RBFOX1: variants seen among roughly 807,000 people sequenced by gnomAD.
RBFOX1 encodes RNA binding protein fox-1 homolog 1.
In RBFOX1, 8 loss-of-function variants were observed where a neutral mutation model predicts 57.7. The ratio of observed to expected loss-of-function variants is 0.14; its 90% CI spans 0.08 to 0.25. The LOEUF is 0.25. Among genes scored for constraint, RBFOX1 ranks in the 10% least tolerant of loss-of-function variants. The probability of loss-of-function intolerance (pLI) is 1.00; values close to 1 mark genes in which losing one functional copy is unlikely to be tolerated. For missense variants in RBFOX1, 611 were observed against 548.5 expected, an observed-to-expected ratio of 1.11 and a Z score of -1.14; for synonymous variants, 326 against 222.4, an observed-to-expected ratio of 1.47 and a Z score of -4.15.
chr16:6,615,605 G>C (rs1294515878), intron 2 of RBFOX1, among the ~76,000 whole-genome samples: 2 of 151,706 alleles, frequency 1.3e-5, no homozygotes, highest in African/African-American at 4.8e-5. Context: ...AATAAATATG[G>C]CCACAGGAAA....
At position 6,901,490 on chromosome 16, in the gene RBFOX1, A is replaced by G. The variant is rs185168807; in HGVS notation, c.-15-150567A>G. ...CCCTACGACTCTTCCTTAGCCCATG[A>G]CTCTCGACCTGGAATGACAGCAAGT... On this transcript the variant is annotated intron_variant, in intron 3 of 15. Coordinates refer to ENST00000550418, the MANE Select transcript of RBFOX1 (RefSeq NM_018723.4). 9.2e-5 allele frequency among the ~76,000 whole-genome samples: 14 copies of G among 152,146 alleles called. No homozygotes were observed. The East Asian group carries it at 2.5e-3, about 27-fold the overall frequency.
chr16:6,682,677 C>T lies in RBFOX1; in HGVS notation c.-16+28027C>T, dbSNP rs189496902. 2.6e-4 allele frequency among the ~76,000 whole-genome samples: 39 copies of T among 151,902 alleles called. 1 individual carries two copies. Among genetic ancestry groups the T allele is most frequent in the Middle Eastern group, 3.4e-3 (1 of 292 alleles). ...GACAACCAAAAATGACTCTAGATGC[C>T]GCCATGTGTCCCCCGGCGCGCAAAA... On this transcript the variant is annotated intron_variant, in intron 3 of 15. Transcript: ENST00000550418.
chr16:6,991,935 A>C (rs533512398), intron 3 of RBFOX1, among the ~76,000 whole-genome samples: 1 of 152,174 alleles, frequency 6.6e-6, no homozygotes, highest in Non-Finnish European at 1.5e-5. Context: ...GATTCAATCA[A>C]TAGGGTGGTG....
At chr16:5,391,017 C>G (rs1041051922) in intron 1 of RBFOX1, among the ~76,000 whole-genome samples, 3 of 152,176 alleles carry the variant, frequency 2.0e-5, no homozygotes, top group East Asian at 3.9e-4. Context: ...TTGTGAGAAG[C>G]TCAACCAACA....
intron 4 of RBFOX1, among the ~76,000 whole-genome samples, chr16:5,869,855 A>G (rs1420760774): frequency 1.3e-5 from 2 of 152,190 alleles, no homozygotes; most frequent in Non-Finnish European, 2.9e-5. Flanking sequence ...ATGTCCACCA[A>G]AACAACACAT....
At chr16:6,003,786 A>G (rs1317054810) in intron 4 of RBFOX1, among the ~76,000 whole-genome samples, 2 of 152,184 alleles carry the variant, frequency 1.3e-5, no homozygotes, top group East Asian at 1.9e-4. Flanking sequence ...TGCCTCAGGA[A>G]CCACACAAGT....
chr16:6,492,960 A>T (rs750523849), intron 2 of RBFOX1, among the ~76,000 whole-genome samples: 1 of 152,258 alleles, frequency 6.6e-6, no homozygotes, highest in Non-Finnish European at 1.5e-5. Flanking sequence ...GTAGCTGTGC[A>T]GTATGACTAA....
chr16:7,383,308 C>G lies in RBFOX1; in HGVS notation c.28-134839C>G, dbSNP rs183256447. On this transcript the variant is annotated intron_variant, in intron 4 of 15. Coordinates refer to ENST00000550418, the MANE Select transcript of RBFOX1 (RefSeq NM_018723.4). ...GTAAAATGCAACAACACTAGGCACG[C>G]ATTTTATAATATAACTTCTCTGCTT... 4.0e-5 allele frequency among the ~76,000 whole-genome samples: 6 copies of G among 151,686 alleles called. No individual in the cohort carries two copies. In the East Asian group the frequency reaches 1.2e-3, roughly 29 times the overall value.
At chr16:5,591,664 A>G (rs2047012934) in intron 2 of RBFOX1, among the ~76,000 whole-genome samples, 1 of 152,240 alleles carries the variant, frequency 6.6e-6, no homozygotes, top group Admixed American at 6.5e-5. Flanking sequence ...AGTACTATAC[A>G]TACCACTGAG....
chr16:7,059,281 C>G (rs1568587722), intron 4 of RBFOX1, among the ~76,000 whole-genome samples: 1 of 152,152 alleles, frequency 6.6e-6, no homozygotes, highest in African/African-American at 2.4e-5. Flanking sequence ...ATGTAAGCCC[C>G]CCTTCTCCCC....
At chr16:6,245,432 C>G (rs948646728) in intron 1 of RBFOX1, among the ~76,000 whole-genome samples, 1 of 152,126 alleles carries the variant, frequency 6.6e-6, no homozygotes, top group African/African-American at 2.4e-5. Context: ...TCTATTCATT[C>G]ACTTTTATTA....
chr16:5,331,332 A>G (rs934199417), intron 1 of RBFOX1, among the ~76,000 whole-genome samples: 3 of 152,240 alleles, frequency 2.0e-5, no homozygotes, highest in Non-Finnish European at 2.9e-5. Context: ...TGTGTAACAA[A>G]TCACCTCAAA....
intron 2 of RBFOX1, among the ~76,000 whole-genome samples, chr16:6,394,621 C>G (rs900551562): frequency 6.6e-5 from 10 of 151,306 alleles, no homozygotes; most frequent in Non-Finnish European, 1.2e-4. Flanking sequence ...GGATAAACAA[C>G]TAGGTATCTA....
rs549922499 is a variant in RBFOX1 at position 6,822,910 on chromosome 16, C to T, written c.-16+168260C>T. Reference sequence around the variant, plus strand: ...GGGCATGCATTAATATTAACAAGTGCGTGCTGCTGCAGCAGAGGATAGTTC... The same window carrying T: ...GGGCATGCATTAATATTAACAAGTGTGTGCTGCTGCAGCAGAGGATAGTTC... On this transcript the variant is annotated intron_variant, in intron 3 of 15. Transcript: ENST00000550418. Among the ~76,000 whole-genome samples the T allele has an allele frequency of 2.0e-4, 31 of 152,272 alleles. No homozygotes were observed. The South Asian group carries it at 3.5e-3, about 17-fold the overall frequency.
chr16:7,527,274 C>T (rs1329481434), intron 5 of RBFOX1, among the ~76,000 whole-genome samples: 1 of 152,164 alleles, frequency 6.6e-6, no homozygotes, highest in East Asian at 1.9e-4. Flanking sequence ...CAATACATGG[C>T]CCTTGGCTTT....
At chr16:6,977,014 A>G (rs2087118447) in intron 3 of RBFOX1, among the ~76,000 whole-genome samples, 1 of 147,010 alleles carries the variant, frequency 6.8e-6, no homozygotes, top group Admixed American at 7.0e-5. Context: ...TGTATATCAT[A>G]TGTATCATGT....
At chr16:5,556,616 C>T (rs901978399) in intron 2 of RBFOX1, among the ~76,000 whole-genome samples, 1 of 152,200 alleles carries the variant, frequency 6.6e-6, no homozygotes. Flanking sequence ...CAGAGGATGC[C>T]AACCCTCTCC....
chr16:6,884,223 G>A (rs1360776689), intron 3 of RBFOX1, among the ~76,000 whole-genome samples: 4 of 152,192 alleles, frequency 2.6e-5, no homozygotes, highest in Admixed American at 6.5e-5. Flanking sequence ...CAGCCATGCT[G>A]CAGAGGCCAG....
At chr16:5,646,519 T>C (rs982008532) in intron 3 of RBFOX1, among the ~76,000 whole-genome samples, 1 of 152,184 alleles carries the variant, frequency 6.6e-6, no homozygotes, top group Non-Finnish European at 1.5e-5. Context: ...GCATTGTGTA[T>C]GTAGGATGTG....
Sources: allele counts gnomAD v4.1 joint callset (sites outside exome capture counted in the v4.1 genomes callset), GRCh38; gene constraint gnomAD v4.1.1; transcripts MANE v1.5; gene names NCBI Gene and HGNC (gene_info 2026-07-23, HGNC 2026-07-21).